The following HIVEP3 variants were observed in gnomAD, a reference collection of about 807,000 sequenced individuals.
HIVEP3 encodes the protein transcription factor HIVEP3.
In HIVEP3, 49 loss-of-function variants were observed where a neutral mutation model predicts 152.8. The ratio of observed to expected loss-of-function variants is 0.32; its 90% CI spans 0.26 to 0.41. HIVEP3 has a LOEUF of 0.41. Ranked by LOEUF, HIVEP3 falls within the 10% of genes least tolerant of loss-of-function variation. The pLI is 1.00. For missense variants in HIVEP3, 2,790 were observed against 3,103.3 expected (o/e 0.90, Z 2.40); for synonymous variants, 1,269 against 1,289.0 (o/e 0.98, Z 0.33).
chr1:41,849,514 G>A (rs1643535376), intron 1 of HIVEP3, among the ~76,000 whole-genome samples: 1 of 152,146 alleles, frequency 6.6e-6, no homozygotes, highest in African/African-American at 2.4e-5. Context: ...TAATACCAAG[G>A]AGGAGAGTGT....
chr1:41,762,905 G>A (rs1207763762), intron 1 of HIVEP3, among the ~76,000 whole-genome samples: 1 of 152,358 alleles, frequency 6.6e-6, no homozygotes, highest in East Asian at 1.9e-4. Context: ...TGAGCTAGGG[G>A]AATAGGTGGA....
intron 1 of HIVEP3, among the ~76,000 whole-genome samples, chr1:42,001,815 C>A (rs12071436): frequency 1.3e-5 from 2 of 152,136 alleles, no homozygotes; most frequent in African/African-American, 4.8e-5. Flanking sequence ...CTGCCTAAGT[C>A]TCCGGGGTAT....
intron 5 of HIVEP3, among the ~76,000 whole-genome samples, chr1:41,536,859 G>A (rs1444464367): frequency 6.6e-6 from 1 of 152,160 alleles, no homozygotes; most frequent in Non-Finnish European, 1.5e-5. Flanking sequence ...TCCCAGAGAG[G>A]TTAAATAACC....
intron 1 of HIVEP3, among the ~76,000 whole-genome samples, chr1:41,931,861 C>T (rs1241028254): frequency 1.3e-5 from 2 of 151,866 alleles, no homozygotes; most frequent in Non-Finnish European, 2.9e-5. Context: ...AATGATCCTT[C>T]GGGTTTTTCT....
At chr1:41,792,407 C>G (rs1649752933) in intron 1 of HIVEP3, among the ~76,000 whole-genome samples, 1 of 152,226 alleles carries the variant, frequency 6.6e-6, no homozygotes, top group Non-Finnish European at 1.5e-5. Context: ...AACCTCCCTT[C>G]AAGCTTCTCT....
intron 2 of HIVEP3, among the ~76,000 whole-genome samples, chr1:41,681,266 A>G (rs2124090797): frequency 6.6e-6 from 1 of 152,176 alleles, no homozygotes; most frequent in East Asian, 1.9e-4. Flanking sequence ...GCTAATTTTT[A>G]TATCTTCTGT....
intron 1 of HIVEP3, among the ~76,000 whole-genome samples, chr1:41,924,263 C>T (rs1033108033): frequency 3.3e-5 from 5 of 152,076 alleles, no homozygotes; most frequent in African/African-American, 7.2e-5. Context: ...CCTGAGCCTC[C>T]GGAGGGAGCA....
chr1:41,562,320 G>T (rs997208704), intron 5 of HIVEP3, among the ~76,000 whole-genome samples: 1 of 152,218 alleles, frequency 6.6e-6, no homozygotes, highest in Non-Finnish European at 1.5e-5. Context: ...GTTCAGGGAA[G>T]TGCCAATAGG....
chr1:41,761,335 T>C (rs1375919819), intron 1 of HIVEP3, among the ~76,000 whole-genome samples: 1 of 152,206 alleles, frequency 6.6e-6, no homozygotes, highest in Non-Finnish European at 1.5e-5. Flanking sequence ...TATGCATGTA[T>C]GTACCTGTGT....
At chr1:41,566,569 G>A (rs936996005) in intron 5 of HIVEP3, among the ~76,000 whole-genome samples, 5 of 152,156 alleles carry the variant, frequency 3.3e-5, no homozygotes, top group African/African-American at 1.2e-4. Flanking sequence ...TCCACAGCCA[G>A]TCTCTTAGGA....
chr1:41,535,004 C>G (rs578065084), intron 5 of HIVEP3, among the ~76,000 whole-genome samples: 2 of 152,266 alleles, frequency 1.3e-5, no homozygotes, highest in Admixed American at 1.3e-4. Context: ...CGGCAGAGCA[C>G]GGTCACATGG....
chr1:41,832,060 G>A (rs1162460793), intron 1 of HIVEP3, among the ~76,000 whole-genome samples: 1 of 152,146 alleles, frequency 6.6e-6, no homozygotes, highest in Non-Finnish European at 1.5e-5. Flanking sequence ...TTCTGAATCA[G>A]AATGTTTGGG....
intron 1 of HIVEP3, among the ~76,000 whole-genome samples, chr1:41,913,597 A>C (rs145644565): frequency 1.3e-5 from 2 of 151,980 alleles, no homozygotes; most frequent in African/African-American, 4.8e-5. Context: ...GGGTCTTGCT[A>C]TGTCGCCCAG....
At chr1:41,537,584 AAG>A (rs1229097704) in intron 5 of HIVEP3, among the ~76,000 whole-genome samples, 4 of 152,230 alleles carry the variant, frequency 2.6e-5, no homozygotes, top group Admixed American at 2.6e-4. Flanking sequence ...TGTCTGTGGA[AAG>A]AGAGGAAAGT....
intron 5 of HIVEP3, among the ~76,000 whole-genome samples, chr1:41,562,779 C>A (rs1644098658): frequency 2.6e-5 from 4 of 152,146 alleles, no homozygotes; most frequent in African/African-American, 9.7e-5. Context: ...CCCAAGCCTG[C>A]AGCAGGGAAA....
intron 2 of HIVEP3, among the ~76,000 whole-genome samples, chr1:41,657,097 T>C (rs1436247979): frequency 6.6e-6 from 1 of 152,202 alleles, no homozygotes; most frequent in East Asian, 1.9e-4. Flanking sequence ...CTCCTAGTGC[T>C]TAGCCCAGAG....
At chr1:41,748,523 A>C (rs1389165125) in intron 1 of HIVEP3, among the ~76,000 whole-genome samples, 1 of 152,238 alleles carries the variant, frequency 6.6e-6, no homozygotes, top group East Asian at 1.9e-4. Context: ...GAGTAACATC[A>C]TCATGACTGT....
intron 1 of HIVEP3, among the ~76,000 whole-genome samples, chr1:41,995,336 G>A (rs756399037): frequency 1.3e-5 from 2 of 152,124 alleles, no homozygotes; most frequent in Non-Finnish European, 2.9e-5. Flanking sequence ...AAACAGTGGA[G>A]GCTATAGACA....
At chr1:41,600,969 G>T (rs36048196) in intron 3 of HIVEP3, among the ~76,000 whole-genome samples, 3,624 of 152,116 alleles carry the variant, frequency 0.024, 68 homozygotes, top group Middle Eastern at 0.082. Context: ...TCATTCTTTT[G>T]CATATGAATA....
Sources: allele counts gnomAD v4.1 joint callset (sites outside exome capture counted in the v4.1 genomes callset), GRCh38; gene constraint gnomAD v4.1.1; transcripts MANE v1.5; gene names NCBI Gene and HGNC (gene_info 2026-07-23, HGNC 2026-07-21).